Variants in GRB14 observed in about 807,000 individuals in gnomAD.
The protein encoded by GRB14 is growth factor receptor-bound protein 14.
GRB14 carries 38 observed loss-of-function variants against 69.1 expected under a neutral mutation model. That is an observed-to-expected ratio of 0.55 (90% confidence interval 0.42 to 0.72). The LOEUF (loss-of-function observed/expected upper bound fraction) is 0.72. Ranked by LOEUF, GRB14 falls within the 30% of genes least tolerant of loss-of-function variation. GRB14 has a pLI of 0.00. For synonymous variants in GRB14, 247 were observed against 241.3 expected, an observed-to-expected ratio of 1.02 and a Z score of -0.22; for missense variants, 666 against 666.1, an observed-to-expected ratio of 1.00 and a Z score of 0.00.
chr2:164,525,118 C>A lies in GRB14; in HGVS notation c.604-40G>T, dbSNP rs201512452. On this transcript the variant is annotated intron_variant, in intron 4 of 13. Coordinates refer to ENST00000263915, the MANE Select transcript of GRB14 (RefSeq NM_004490.3). ...CAGTTAAATTATCACAAAATTCATG[C>A]TAGAAAAGATTCAATTATGACCAAT... The A allele has an allele frequency of 1.4e-3, 1,792 of 1,295,884 alleles. 3 individuals carry two copies. The highest frequency in any genetic ancestry group is 1.8e-3 in the Non-Finnish European group (1,611 of 905,754). The allele number at this position is 1,295,884 out of a possible 1,614,324, so 80.3% of individuals were successfully genotyped here. A position where few individuals can be genotyped will look rare whatever the true frequency, so the allele number is the denominator to read the frequency against.
rs181033447 is a variant in GRB14, at chr2:164,610,008, T to C, written c.324+9679A>G. Reference sequence around the variant, plus strand: ...TAAAGGAAGCTTTCCCTGTGTGTGATGCCCTGGATGTTTACACGCCCCAGG... The same window carrying C: ...TAAAGGAAGCTTTCCCTGTGTGTGACGCCCTGGATGTTTACACGCCCCAGG... On this transcript the variant is annotated intron_variant, in intron 2 of 13. Coordinates refer to ENST00000263915, the MANE Select transcript of GRB14 (RefSeq NM_004490.3). Among the ~76,000 whole-genome samples the C allele has an allele frequency of 1.3e-3, 194 of 152,340 alleles. 2 individuals are homozygous for C. The highest frequency in any genetic ancestry group is 7.3e-5 in the Non-Finnish European group (5 of 68,032).
At chr2:164,585,698 G>A (rs1689522281) in intron 2 of GRB14, among the ~76,000 whole-genome samples, 1 of 152,014 alleles carries the variant, frequency 6.6e-6, no homozygotes, top group African/African-American at 2.4e-5. Context: ...ATTTCTACTT[G>A]TCATTTATAC....
At chr2:164,612,385 T>C (rs1450356381) in intron 2 of GRB14, among the ~76,000 whole-genome samples, 2 of 152,224 alleles carry the variant, frequency 1.3e-5, no homozygotes, top group Admixed American at 1.3e-4. Flanking sequence ...AAATGTTAAA[T>C]GAGTGGGCCA....
In GRB14 at chr2:164,514,405, G is replaced by A. The variant is rs559092970; in HGVS notation, c.817-5553C>T. On this transcript the variant is annotated intron_variant, in intron 6 of 13. Coordinates refer to ENST00000263915, the MANE Select transcript of GRB14 (RefSeq NM_004490.3). ...TACCCAAAGTGTGAAAAGGGGGATC[G>A]TCCACCCCTGAACACACACCCTCAC... Among the ~76,000 whole-genome samples, 218 of 152,226 alleles carry A rather than the reference G, an allele frequency of 1.4e-3. 1 individual carries two copies. Among genetic ancestry groups the A allele is most frequent in the Non-Finnish European group, 2.6e-3 (178 of 68,010 alleles).
chr2:164,497,989 T>C (rs925044144), intron 9 of GRB14, among the ~76,000 whole-genome samples: 3 of 152,196 alleles, frequency 2.0e-5, no homozygotes, highest in Admixed American at 2.0e-4. Flanking sequence ...CCAAAAGTTA[T>C]AACTTAGATT....
intron 2 of GRB14, among the ~76,000 whole-genome samples, chr2:164,579,013 T>A (rs1029623727): frequency 7.9e-5 from 12 of 152,010 alleles, no homozygotes; most frequent in Admixed American, 7.9e-4. Context: ...CGAAGAACTG[T>A]TAAAACACAG....
chr2:164,573,841 A>C (rs1399701978), intron 2 of GRB14: 8 of 1,612,784 alleles, frequency 5.0e-6, no homozygotes, highest in Non-Finnish European at 6.8e-6. Context: ...AAGAAGCTGA[A>C]AGGTGGATTG....
intron 3 of GRB14, among the ~76,000 whole-genome samples, chr2:164,544,706 G>C (rs1688325025): frequency 6.6e-6 from 1 of 152,162 alleles, no homozygotes; most frequent in African/African-American, 2.4e-5. Context: ...TATCTAGGCT[G>C]AGCTGTCAAA....
At chr2:164,576,284 GA>G (rs1689248844) in intron 2 of GRB14, among the ~76,000 whole-genome samples, 1 of 148,494 alleles carries the variant, frequency 6.7e-6, no homozygotes, top group African/African-American at 2.5e-5. Flanking sequence ...AATAACAAGA[GA>G]ATTAAAAAGT....
Position 164,565,278 on chromosome 2 carries a change from T to TCACACACA in GRB14, c.325-17470_325-17463dup, listed in dbSNP as rs145190294. ...TATAAACTGTCTTTCTATCACACACTCACACACACACACACACACACACAC... is the reference window on the plus strand; with the variant it reads ...TATAAACTGTCTTTCTATCACACACTCACACACACACACACACACACACACACACACAC... On this transcript the variant is annotated intron_variant, in intron 2 of 13. Transcript: ENST00000263915. Among the ~76,000 whole-genome samples the TCACACACA allele has an allele frequency of 9.3e-3, 1,167 of 125,816 alleles. 7 individuals are homozygous for TCACACACA. Among genetic ancestry groups the TCACACACA allele is most frequent in the Middle Eastern group, 0.036 (9 of 252 alleles). The allele number at this position is 125,816 out of a possible 152,430, so 82.5% of individuals were successfully genotyped here.
In GRB14 at chr2:164,492,766, G is replaced by T; in HGVS notation, c.*270C>A. 3.6e-6 allele frequency: 1 copy of T among 275,148 alleles called. No homozygotes were observed. The highest frequency in any genetic ancestry group is 6.7e-6 in the Non-Finnish European group (1 of 149,076). The allele number at this position is 275,148 out of a possible 1,614,324, so 17.0% of individuals were successfully genotyped here. On this transcript the variant is annotated 3_prime_UTR_variant, in exon 14 of 14. Transcript: ENST00000263915. ...AGACATGTTTTAAATATGCATATTT[G>T]AAGAAAATATTATAGCAATGTAAAA...
chr2:164,585,727 A>G (rs1358316391), intron 2 of GRB14, among the ~76,000 whole-genome samples: 1 of 152,212 alleles, frequency 6.6e-6, no homozygotes, highest in African/African-American at 2.4e-5. Context: ...AGCTGAAAAA[A>G]TAAATAAATA....
At chr2:164,538,133 A>C (rs957504064) in intron 3 of GRB14, among the ~76,000 whole-genome samples, 1 of 152,190 alleles carries the variant, frequency 6.6e-6, no homozygotes. Context: ...TGGTTTCATT[A>C]AAAGCCTCCA....
intron 8 of GRB14, 67 bp from the exon 9 acceptor site, chr2:164,502,402 C>T: frequency 3.3e-6 from 3 of 903,422 alleles, no homozygotes; most frequent in Non-Finnish European, 5.5e-6. Flanking sequence ...TGAAAATCAA[C>T]ACTTTCATCA....
chr2:164,578,314 A>C (rs567589552), intron 2 of GRB14, among the ~76,000 whole-genome samples: 1 of 152,336 alleles, frequency 6.6e-6, no homozygotes, highest in South Asian at 2.1e-4. Context: ...GAATTACAAA[A>C]ACAATTTTGA....
chr2:164,575,764 T>A (rs529275614), intron 2 of GRB14, among the ~76,000 whole-genome samples: 1 of 152,254 alleles, frequency 6.6e-6, no homozygotes, highest in East Asian at 1.9e-4. Flanking sequence ...TTCCTACAGT[T>A]ACATTTATAA....
chr2:164,510,204 T>C (rs992015237), intron 6 of GRB14, among the ~76,000 whole-genome samples: 2 of 152,204 alleles, frequency 1.3e-5, no homozygotes, highest in African/African-American at 4.8e-5. Flanking sequence ...TAGAAGTCAA[T>C]ATAGTTCAGT....
intron 2 of GRB14, chr2:164,568,205 C>T (rs904905747): frequency 4.0e-6 from 2 of 497,928 alleles, no homozygotes; most frequent in South Asian, 4.4e-5. Flanking sequence ...ATTATAGGCT[C>T]TTTCAAGGGT....
At chr2:164,562,625 T>C (rs1688858836) in intron 2 of GRB14, among the ~76,000 whole-genome samples, 1 of 152,182 alleles carries the variant, frequency 6.6e-6, no homozygotes, top group African/African-American at 2.4e-5. Context: ...AACATGCCAT[T>C]TCACAGGTGG....
Sources: gnomAD v4.1 joint callset for allele counts (sites outside exome capture counted in the v4.1 genomes callset) on GRCh38, gnomAD v4.1.1 for gene constraint, MANE v1.5 for transcripts, NCBI Gene and HGNC (gene_info 2026-07-23, HGNC 2026-07-21) for gene names.